DOCK9: variants seen among roughly 807,000 people sequenced by gnomAD.
DOCK9 encodes the protein dedicator of cytokinesis protein 9.
A neutral mutation model predicts 263.3 loss-of-function variants in DOCK9; 89 were observed. That is an observed-to-expected ratio of 0.34 (90% CI 0.28 to 0.40). DOCK9 has a LOEUF of 0.40. Ranked by LOEUF, DOCK9 falls within the 10% of genes least tolerant of loss-of-function variation. The pLI is 1.00. For synonymous variants in DOCK9, 976 were observed against 973.1 expected, an observed-to-expected ratio of 1.00 and a Z score of -0.06; for missense variants, 2,140 against 2,603.4, an observed-to-expected ratio of 0.82 and a Z score of 3.87.
At chr13:98,903,532 G>A (rs1478289552) in intron 10 of DOCK9, among the ~76,000 whole-genome samples, 2 of 150,862 alleles carry the variant, frequency 1.3e-5, no homozygotes, top group African/African-American at 4.9e-5. Flanking sequence ...CCCAGGAGGC[G>A]GAGCTTGCAG....
At chr13:98,924,179 T>C (rs954411284) in intron 4 of DOCK9, among the ~76,000 whole-genome samples, 7 of 152,072 alleles carry the variant, frequency 4.6e-5, no homozygotes, top group African/African-American at 7.2e-5. Flanking sequence ...ATTGGGTAAA[T>C]ATAGAACTAA....
rs138346633 is a variant in DOCK9 at position 98,914,418 on chromosome 13, C to A, written c.893-23G>T. 12 of 1,593,662 alleles carry A rather than the reference C, an allele frequency of 7.5e-6. No individual in the cohort carries two copies. The Admixed American group carries it at 2.1e-4, about 28-fold the overall frequency. ...CATCTAAAATGGCAAAACAGATTAT[C>A]GGAATCACTTGTAATTCATAGCATT... On this transcript the variant is annotated intron_variant, in intron 8 of 52. Transcript: ENST00000682017.
chr13:99,042,098 A>G lies in DOCK9; in HGVS notation c.129+44125T>C, dbSNP rs908026331. On this transcript the variant is annotated intron_variant, in intron 1 of 32. Coordinates refer to the DOCK9 transcript ENST00000427887. Reference sequence around the variant, plus strand: ...TTACCATGGGACCAATATGGTTAACATGGGAAACTCTGTGGTTGGAAGAAT... The same window carrying G: ...TTACCATGGGACCAATATGGTTAACGTGGGAAACTCTGTGGTTGGAAGAAT... 4.6e-5 allele frequency among the ~76,000 whole-genome samples: 7 copies of G among 152,230 alleles called. No individual in the cohort carries two copies. In the East Asian group the frequency reaches 7.7e-4, roughly 17 times the overall value.
At chr13:99,002,457 T>C (rs1299009225) in intron 1 of DOCK9, among the ~76,000 whole-genome samples, 3 of 152,152 alleles carry the variant, frequency 2.0e-5, no homozygotes, top group Non-Finnish European at 4.4e-5. Flanking sequence ...CCCACCCACA[T>C]CCACATTCTA....
At chr13:98,904,565 A>G in intron 10 of DOCK9, 67 bp downstream of exon 10, 2 of 1,186,334 alleles carry the variant, frequency 1.7e-6, no homozygotes, top group Non-Finnish European at 1.2e-6. Context: ...AAATAAACAA[A>G]TAAGCCCATC....
Position 98,879,964 on chromosome 13 carries a change from T to G in DOCK9, c.2877A>C (p.Ser959=), listed in dbSNP as rs2044472417. The change falls in exon 27 of 53, where the codon TCA becomes TCC. Residue 959 remains serine (S), a synonymous_variant. Coordinates refer to ENST00000682017, the MANE Select transcript of DOCK9 (RefSeq NM_001366683.2). ...TGATCAGTACATCAAAGAAAAACCA[T>G]GAGTACTAAAAGAAAAAAGAACAGG... ...FLTSNKLLKY[S]WFFFDVLIKS... 4 of 1,602,506 alleles carry G rather than the reference T, an allele frequency of 2.5e-6. No homozygotes were observed. The East Asian group carries it at 8.9e-5, about 36-fold the overall frequency.
chr13:99,054,445 T>C (rs1286476004), intron 1 of DOCK9, among the ~76,000 whole-genome samples: 1 of 152,064 alleles, frequency 6.6e-6, no homozygotes, highest in African/African-American at 2.4e-5. Flanking sequence ...GCAGAAATAA[T>C]AGCAATGGTA....
At chr13:98,903,670 A>T (rs970484376) in intron 10 of DOCK9, among the ~76,000 whole-genome samples, 11 of 152,088 alleles carry the variant, frequency 7.2e-5, no homozygotes, top group Non-Finnish European at 1.3e-4. Flanking sequence ...ATGAACTGAA[A>T]AAATACAGAG....
rs563993689 is a variant in DOCK9, at chr13:98,808,158, G to C, written c.5368-351C>G. 2.6e-5 allele frequency among the ~76,000 whole-genome samples: 4 copies of C among 152,310 alleles called. No homozygotes were observed. The South Asian group carries it at 8.3e-4, about 32-fold the overall frequency. On this transcript the variant is annotated intron_variant, in intron 47 of 52. Coordinates refer to ENST00000682017, the MANE Select transcript of DOCK9 (RefSeq NM_001366683.2). Reference sequence around the variant, plus strand: ...AGAAAATGATGAGCAGCCCACGACAGGCAGGCTCAGAAGTGGACATGCCTC... The same window carrying C: ...AGAAAATGATGAGCAGCCCACGACACGCAGGCTCAGAAGTGGACATGCCTC...
rs139170678 is a variant in DOCK9, at chr13:98,915,975, T to C, written c.718-472A>G. Reference sequence around the variant, plus strand: ...TTACATTTTTAAAAGCCAACCATTATCTATTACTATGTTTGGCTTACTTAT... The same window carrying C: ...TTACATTTTTAAAAGCCAACCATTACCTATTACTATGTTTGGCTTACTTAT... On this transcript the variant is annotated intron_variant, in intron 7 of 52. Transcript: ENST00000682017. 3.2e-3 allele frequency among the ~76,000 whole-genome samples: 485 copies of C among 152,354 alleles called. 3 individuals carry two copies. Among genetic ancestry groups the C allele is most frequent in the Middle Eastern group, 0.027 (8 of 294 alleles).
At chr13:98,940,409 T>C (rs2055621397) in intron 2 of DOCK9, among the ~76,000 whole-genome samples, 2 of 152,270 alleles carry the variant, frequency 1.3e-5, no homozygotes, top group Admixed American at 1.3e-4. Context: ...TTTTTTGTTG[T>C]TTTTTAAGAG....
intron 1 of DOCK9, among the ~76,000 whole-genome samples, chr13:99,079,555 A>C (rs1345529346): frequency 6.6e-6 from 1 of 152,240 alleles, no homozygotes; most frequent in African/African-American, 2.4e-5. Flanking sequence ...CTTCACATGC[A>C]TTATCTTACT....
chr13:99,006,180 A>C (rs1359029196), intron 1 of DOCK9, among the ~76,000 whole-genome samples: 5 of 152,220 alleles, frequency 3.3e-5, no homozygotes, highest in Non-Finnish European at 7.3e-5. Flanking sequence ...TAGAGTTTGA[A>C]AGGTGTTATC....
In DOCK9 at chr13:98,962,468, C is replaced by T. The variant is rs577626576; in HGVS notation, c.127-6917G>A. On this transcript the variant is annotated intron_variant, in intron 1 of 52. Transcript: ENST00000682017. ...GGTCGTGTGTCCACACGAATGCTGA[C>T]GAGGATGGCAGCATGGTTAGGAAAG... 2.5e-4 allele frequency among the ~76,000 whole-genome samples: 38 copies of T among 152,218 alleles called. 1 individual carries two copies. The South Asian group carries it at 7.3e-3, about 29-fold the overall frequency.
In DOCK9 at chr13:98,886,713, A is replaced by G. The variant is rs1156460948; in HGVS notation, c.2044-89T>C. 7 of 1,238,028 alleles carry G rather than the reference A, an allele frequency of 5.7e-6. No individual in the cohort carries two copies. In the East Asian group the frequency reaches 1.5e-4, roughly 26 times the overall value. 76.7% of individuals were successfully genotyped at this position (1,238,028 alleles called of 1,614,324 possible). On this transcript the variant is annotated intron_variant, in intron 18 of 52. Transcript: ENST00000682017. Reference sequence around the variant, plus strand: ...ATATCGTAAAGGAGGAGGCATTCCTACGGCATAGACTTAGCATCGCCACCT... The same window carrying G: ...ATATCGTAAAGGAGGAGGCATTCCTGCGGCATAGACTTAGCATCGCCACCT...
chr13:98,993,596 A>G (rs9517533), intron 1 of DOCK9, among the ~76,000 whole-genome samples: 82,996 of 152,012 alleles, frequency 0.55, 22,919 homozygotes, highest in South Asian at 0.68. Flanking sequence ...CTTCACTAGG[A>G]ATACTTCCAC....
intron 45 of DOCK9, among the ~76,000 whole-genome samples, chr13:98,818,760 C>T (rs2092072250): frequency 6.6e-6 from 1 of 152,070 alleles, no homozygotes; most frequent in South Asian, 2.1e-4. Flanking sequence ...ATTATCCAGG[C>T]CCATTTTAGT....
intron 38 of DOCK9, among the ~76,000 whole-genome samples, chr13:98,841,399 C>G (rs147492906): frequency 2.4e-3 from 365 of 152,294 alleles, no homozygotes; most frequent in Middle Eastern, 0.01. Flanking sequence ...AAGGATATTA[C>G]AAATGACTGA....
intron 38 of DOCK9, 108 bp downstream of exon 38, chr13:98,845,816 C>T: frequency 6.9e-7 from 1 of 1,444,224 alleles, no homozygotes; most frequent in African/African-American, 1.4e-5. Context: ...TTGCTTTGAG[C>T]TAGAAGAAAA....
Sources: allele counts gnomAD v4.1 joint callset (sites outside exome capture counted in the v4.1 genomes callset), GRCh38; gene constraint gnomAD v4.1.1; transcripts MANE v1.5; gene names NCBI Gene and HGNC (gene_info 2026-07-23, HGNC 2026-07-21).